The following CD2AP variants were observed in gnomAD, a reference collection of about 807,000 sequenced individuals.
The protein encoded by CD2AP is CD2-associated protein.
CD2AP carries 46 observed loss-of-function variants against 85.1 expected under a neutral mutation model. The observed-to-expected ratio is 0.54, with a 90% CI of 0.43 to 0.69. CD2AP has a LOEUF of 0.69. CD2AP is among the 30% of genes least tolerant of loss of function. The probability of loss-of-function intolerance (pLI) is 0.00; values close to 1 mark genes in which losing one functional copy is unlikely to be tolerated. For missense variants in CD2AP, 769 were observed against 729.5 expected (o/e 1.05, Z -0.62); for synonymous variants, 255 against 252.9 (o/e 1.01, Z -0.08).
Position 47,478,058 on chromosome 6 carries a change from C to G in CD2AP, c.-187C>G. 2.8e-6 allele frequency: 2 copies of G among 722,804 alleles called. No homozygotes were observed. The highest frequency in any genetic ancestry group is 4.6e-6 in the Non-Finnish European group (2 of 434,182). 44.8% of individuals were successfully genotyped at this position (722,804 alleles called of 1,614,324 possible). On this transcript the variant is annotated 5_prime_UTR_variant, in exon 1 of 18. Transcript: ENST00000359314. Reference sequence around the variant, plus strand: ...CCGCCTTTGCCTCTGCCTCGAGGGCCGCGCTGAAGAGACTGGTAGGAGAGC... The same window carrying G: ...CCGCCTTTGCCTCTGCCTCGAGGGCGGCGCTGAAGAGACTGGTAGGAGAGC...
intron 13 of CD2AP, among the ~76,000 whole-genome samples, chr6:47,604,602 A>T (rs1347630279): frequency 6.6e-6 from 1 of 152,074 alleles, no homozygotes. Context: ...GTTAATGCAC[A>T]CATCAGTGTA....
chr6:47,529,270 G>GT (rs1171333362), intron 2 of CD2AP, among the ~76,000 whole-genome samples: 1 of 133,124 alleles, frequency 7.5e-6, no homozygotes, highest in East Asian at 2.4e-4. Context: ...GTTCAGTGTC[G>GT]TTTTGTTGTA....
intron 5 of CD2AP, among the ~76,000 whole-genome samples, chr6:47,567,585 A>T (rs550306040): frequency 6.6e-6 from 1 of 152,334 alleles, no homozygotes; most frequent in African/African-American, 2.4e-5. Flanking sequence ...ATAAATGTAT[A>T]TAAGTGGGCT....
chr6:47,479,294 A>T (rs1349344280), intron 1 of CD2AP, among the ~76,000 whole-genome samples: 1 of 152,224 alleles, frequency 6.6e-6, no homozygotes, highest in Non-Finnish European at 1.5e-5. Context: ...GAAATGAATA[A>T]TTCATGTAAT....
At chr6:47,510,083 T>C (rs1449043364) in intron 2 of CD2AP, among the ~76,000 whole-genome samples, 2 of 152,190 alleles carry the variant, frequency 1.3e-5, no homozygotes, top group Non-Finnish European at 2.9e-5. Flanking sequence ...GTATATAGTT[T>C]ATGAGTATGG....
rs1329751199 is a variant in CD2AP, at chr6:47,627,166, T to C, written c.*2939T>C. On this transcript the variant is annotated 3_prime_UTR_variant, in exon 18 of 18. Coordinates refer to ENST00000359314, the MANE Select transcript of CD2AP (RefSeq NM_012120.3). ...GTGTCAGTCTTTATTGGTTATTTTT[T>C]GTTAACTTTAGCATTTGTGTATTTC... 6.6e-6 allele frequency: 1 copy of C among 152,546 alleles called. No individual in the cohort carries two copies. The highest frequency in any genetic ancestry group is 1.5e-5 in the Non-Finnish European group (1 of 67,966). The allele number at this position is 152,546 out of a possible 1,614,324, so 9.4% of individuals were successfully genotyped here.
intron 17 of CD2AP, among the ~76,000 whole-genome samples, chr6:47,621,053 T>C (rs1769732692): frequency 6.6e-6 from 1 of 152,230 alleles, no homozygotes. Context: ...CTGCTCTAAT[T>C]GCTCTGGCTA....
chr6:47,584,485 G>A (rs1242604450), intron 11 of CD2AP, among the ~76,000 whole-genome samples: 4 of 149,610 alleles, frequency 2.7e-5, no homozygotes, highest in African/African-American at 7.4e-5. Context: ...AAGACTTTCA[G>A]TTTTCAGATA....
chr6:47,615,430 G>A (rs979042163), intron 17 of CD2AP, among the ~76,000 whole-genome samples: 1 of 152,128 alleles, frequency 6.6e-6, no homozygotes, highest in African/African-American at 2.4e-5. Context: ...ATAGGAGGAA[G>A]CATGGTTCCT....
At chr6:47,579,619 A>C (rs963025430) in intron 9 of CD2AP, 130 bp downstream of exon 9, 2 of 657,240 alleles carry the variant, frequency 3.0e-6, no homozygotes, top group African/African-American at 3.7e-5. Flanking sequence ...CTATTCAGGT[A>C]GGAGTTATTT....
intron 1 of CD2AP, among the ~76,000 whole-genome samples, chr6:47,494,357 G>A (rs1765803231): frequency 6.6e-6 from 1 of 152,158 alleles, no homozygotes; most frequent in Admixed American, 6.5e-5. Flanking sequence ...AGCTTTTTCA[G>A]CTGTAAATAC....
chr6:47,576,995 A>T lies in CD2AP; in HGVS notation c.809-14A>T, dbSNP rs745528714. 1 of 1,276,162 alleles carries T rather than the reference A, an allele frequency of 7.8e-7. No homozygotes were observed. Among genetic ancestry groups the T allele is most frequent in the Non-Finnish European group, 1.1e-6 (1 of 871,794 alleles). 79.1% of individuals were successfully genotyped at this position (1,276,162 alleles called of 1,614,324 possible). A position where few individuals can be genotyped will look rare whatever the true frequency, so the allele number is the denominator to read the frequency against. Reference sequence around the variant, plus strand: ...CATTTGTGTGAGCCACATTATTTACATTCTTTATTTCAGCTAAAGAATATT... The same window carrying T: ...CATTTGTGTGAGCCACATTATTTACTTTCTTTATTTCAGCTAAAGAATATT... On this transcript the variant is annotated splice_polypyrimidine_tract_variant and intron_variant, in intron 7 of 17. Coordinates refer to ENST00000359314, the MANE Select transcript of CD2AP (RefSeq NM_012120.3).
chr6:47,487,322 T>C (rs1235309548), intron 1 of CD2AP, among the ~76,000 whole-genome samples: 2 of 152,348 alleles, frequency 1.3e-5, no homozygotes, highest in African/African-American at 2.4e-5. Context: ...AAAATTATTC[T>C]AAATTCCTAT....
chr6:47,610,971 A>ATTTTTTT (rs11331165), intron 16 of CD2AP, among the ~76,000 whole-genome samples: 1 of 112,868 alleles, frequency 8.9e-6, no homozygotes, highest in African/African-American at 3.6e-5. Context: ...ATATATATGT[A>ATTTTTTT]TTTTTTTTTT....
At chr6:47,597,878 C>A (rs1768993071) in intron 12 of CD2AP, among the ~76,000 whole-genome samples, 1 of 150,572 alleles carries the variant, frequency 6.6e-6, no homozygotes, top group Non-Finnish European at 1.5e-5. Flanking sequence ...TTTCCTCTTT[C>A]AAAGGAGGAC....
chr6:47,595,705 T>C (rs190629460), intron 11 of CD2AP, among the ~76,000 whole-genome samples, 156 bp from the exon 12 acceptor site: 1 of 152,194 alleles, frequency 6.6e-6, no homozygotes, highest in East Asian at 1.9e-4. Context: ...AATATAACTT[T>C]AAAATAAGTA....
chr6:47,554,652 G>A lies in CD2AP; in HGVS notation c.427G>A (p.Glu143Lys). The A allele has an allele frequency of 6.2e-7, 1 of 1,613,688 alleles. No homozygotes were observed. Among genetic ancestry groups the A allele is most frequent in the Non-Finnish European group, 8.5e-7 (1 of 1,179,760 alleles). Reference protein sequence around the residue: ...DIIDINEEVEEGWWSGTLNNK... With the variant: ...DIIDINEEVEKGWWSGTLNNK... Reference sequence around the variant, plus strand: ...GAATTGTGAACTTTTTCAGGTAGAAGAAGGCTGGTGGAGTGGAACCCTGAA... The same window carrying A: ...GAATTGTGAACTTTTTCAGGTAGAAAAAGGCTGGTGGAGTGGAACCCTGAA... Residue 143 changes from glutamate to lysine, a missense_variant, in exon 5 of 18, where the codon GAA becomes AAA. By Grantham distance (56) the Glu-to-Lys change is moderately conservative. Transcript: ENST00000359314.
At chr6:47,582,780 G>GTTTTTTTTT in intron 11 of CD2AP, among the ~76,000 whole-genome samples, 1 of 136,784 alleles carries the variant, frequency 7.3e-6, no homozygotes, top group Non-Finnish European at 1.5e-5. Flanking sequence ...TGTTTTTTTT[G>GTTTTTTTTT]TTTTTTTTTG....
At chr6:47,549,460 C>CAAAAAAAAAAAAAAA (rs67626138) in intron 4 of CD2AP, among the ~76,000 whole-genome samples, 1 of 110,712 alleles carries the variant, frequency 9.0e-6, no homozygotes, top group Non-Finnish European at 1.8e-5. Context: ...ACAATAGCTG[C>CAAAAAAAAAAAAAAA]AAAAAAAAAA....
Sources: gnomAD v4.1 joint callset for allele counts (sites outside exome capture counted in the v4.1 genomes callset) on GRCh38, gnomAD v4.1.1 for gene constraint, MANE v1.5 for transcripts, NCBI Gene and HGNC (gene_info 2026-07-23, HGNC 2026-07-21) for gene names.